Variants in ARHGAP15 observed in about 807,000 individuals in gnomAD.
ARHGAP15 encodes Rho GTPase activating protein 15.
A neutral mutation model predicts 63.7 loss-of-function variants in ARHGAP15; 51 were observed. The ratio of observed to expected loss-of-function variants is 0.80; its 90% CI spans 0.64 to 1.01. The LOEUF is 1.01. ARHGAP15 is among the 50% of genes least tolerant of loss of function. The pLI is 0.00. For missense variants in ARHGAP15, 560 were observed against 564.6 expected, an observed-to-expected ratio of 0.99 and a Z score of 0.08; for synonymous variants, 191 against 193.8, an observed-to-expected ratio of 0.99 and a Z score of 0.12.
chr2:143,294,494 A>G (rs1277809863), intron 6 of ARHGAP15, among the ~76,000 whole-genome samples: 5 of 152,088 alleles, frequency 3.3e-5, no homozygotes, highest in Non-Finnish European at 4.4e-5. Context: ...TCCTGCAGCC[A>G]TTAAACCAGG....
chr2:143,753,816 T>C (rs549151225), intron 13 of ARHGAP15, among the ~76,000 whole-genome samples: 1 of 152,330 alleles, frequency 6.6e-6, no homozygotes, highest in African/African-American at 2.4e-5. Flanking sequence ...CCAGTTTTGT[T>C]CAAATTAGGT....
intron 12 of ARHGAP15, among the ~76,000 whole-genome samples, chr2:143,638,557 C>T (rs1007567213): frequency 1.2e-4 from 17 of 147,674 alleles, no homozygotes; most frequent in African/African-American, 3.0e-4. Context: ...TGCTAGATGA[C>T]GAGTTAGTGG....
intron 6 of ARHGAP15, among the ~76,000 whole-genome samples, chr2:143,407,035 T>C (rs181637840): frequency 1.3e-5 from 2 of 152,100 alleles, no homozygotes; most frequent in African/African-American, 4.8e-5. Context: ...TCTAGCTGAG[T>C]TCCTACATGG....
chr2:143,360,108 G>C (rs1251185892), intron 6 of ARHGAP15, among the ~76,000 whole-genome samples: 1 of 152,036 alleles, frequency 6.6e-6, no homozygotes, highest in East Asian at 1.9e-4. Flanking sequence ...GGCCAGACTG[G>C]TGGCTCATGC....
intron 9 of ARHGAP15, among the ~76,000 whole-genome samples, chr2:143,514,072 C>T (rs1022559144): frequency 2.6e-5 from 4 of 152,136 alleles, no homozygotes; most frequent in Non-Finnish European, 5.9e-5. Context: ...ACAATAAACC[C>T]TCACTATTTT....
intron 6 of ARHGAP15, among the ~76,000 whole-genome samples, chr2:143,338,267 TA>T (rs1412695021): frequency 6.6e-6 from 1 of 152,140 alleles, no homozygotes; most frequent in African/African-American, 2.4e-5. Context: ...GCCTTGAAAG[TA>T]AATAGAAATA....
chr2:143,692,723 G>A (rs16822931), intron 12 of ARHGAP15, among the ~76,000 whole-genome samples: 24,110 of 152,162 alleles, frequency 0.16, 2,190 homozygotes, highest in South Asian at 0.29. Flanking sequence ...TTGAGCAACG[G>A]AAGTACAGGT....
intron 6 of ARHGAP15, among the ~76,000 whole-genome samples, chr2:143,418,297 T>A (rs1006943122): frequency 1.3e-5 from 2 of 152,212 alleles, no homozygotes; most frequent in Non-Finnish European, 2.9e-5. Flanking sequence ...GGAGTTGTAG[T>A]TTCTCTTTTG....
Position 143,375,097 on chromosome 2 carries a change from A to G in ARHGAP15, c.475-60504A>G, listed in dbSNP as rs147904828. ...GTTAATCACAGATGTGGACATTAAAATGTAGTCTAAGTCATCTTATGACAA... is the reference window on the plus strand; with the variant it reads ...GTTAATCACAGATGTGGACATTAAAGTGTAGTCTAAGTCATCTTATGACAA... On this transcript the variant is annotated intron_variant, in intron 6 of 13. Coordinates refer to ENST00000295095, the MANE Select transcript of ARHGAP15 (RefSeq NM_018460.4). 1.8e-4 allele frequency among the ~76,000 whole-genome samples: 28 copies of G among 152,354 alleles called. No individual in the cohort carries two copies. The East Asian group carries it at 5.0e-3, about 27-fold the overall frequency.
chr2:143,708,584 C>T (rs1684434546), intron 13 of ARHGAP15, among the ~76,000 whole-genome samples: 1 of 152,100 alleles, frequency 6.6e-6, no homozygotes, highest in Non-Finnish European at 1.5e-5. Flanking sequence ...CTCAGACACC[C>T]TGTCAGCCTG....
intron 2 of ARHGAP15, among the ~76,000 whole-genome samples, chr2:143,191,700 T>C (rs1293727560): frequency 6.6e-6 from 1 of 152,228 alleles, no homozygotes; most frequent in Non-Finnish European, 1.5e-5. Context: ...ATCAGATTAA[T>C]GAGTTTTGGA....
chr2:143,375,361 C>T (rs953325254), intron 6 of ARHGAP15, among the ~76,000 whole-genome samples: 1 of 152,106 alleles, frequency 6.6e-6, no homozygotes. Context: ...GTAAATTTCC[C>T]AAATTCTTTT....
intron 6 of ARHGAP15, among the ~76,000 whole-genome samples, chr2:143,263,892 C>A (rs193238217): frequency 8.0e-6 from 1 of 124,874 alleles, no homozygotes; most frequent in Non-Finnish European, 1.6e-5. Context: ...GGTGGGTCTA[C>A]GGTGAAGCTG....
chr2:143,450,676 A>G (rs1690367261), intron 8 of ARHGAP15, among the ~76,000 whole-genome samples: 1 of 151,954 alleles, frequency 6.6e-6, no homozygotes, highest in African/African-American at 2.4e-5. Flanking sequence ...TCTCAACTTT[A>G]TAGAAAATCA....
intron 5 of ARHGAP15, among the ~76,000 whole-genome samples, chr2:143,248,326 C>T (rs1694126109): frequency 6.6e-6 from 1 of 152,108 alleles, no homozygotes; most frequent in Non-Finnish European, 1.5e-5. Context: ...TGTAAAGGAC[C>T]TACGGCAAGA....
chr2:143,293,401 A>G lies in ARHGAP15; in HGVS notation c.474+42801A>G, dbSNP rs1010334639. On this transcript the variant is annotated intron_variant, in intron 6 of 13. Transcript: ENST00000295095. ...TCACAACAAAGTGTTCCTGAAAATGATTTTGTGAAGTTTGTTAGCTGGATT... is the reference window on the plus strand; with the variant it reads ...TCACAACAAAGTGTTCCTGAAAATGGTTTTGTGAAGTTTGTTAGCTGGATT... Among the ~76,000 whole-genome samples, 3 of 152,192 alleles carry G rather than the reference A, an allele frequency of 2.0e-5. No individual in the cohort carries two copies. In the East Asian group the frequency reaches 5.8e-4, roughly 29 times the overall value.
At chr2:143,188,921 C>T (rs1691559638) in intron 2 of ARHGAP15, among the ~76,000 whole-genome samples, 2 of 151,750 alleles carry the variant, frequency 1.3e-5, no homozygotes, top group Non-Finnish European at 2.9e-5. Context: ...ACCGTGCCGG[C>T]CCCTATGCCT....
intron 12 of ARHGAP15, among the ~76,000 whole-genome samples, chr2:143,676,945 T>C (rs1024543126): frequency 6.6e-6 from 1 of 152,230 alleles, no homozygotes; most frequent in Non-Finnish European, 1.5e-5. Flanking sequence ...CAAGGTATAG[T>C]CAAATGATGT....
chr2:143,486,781 A>G (rs1692346422), intron 8 of ARHGAP15, among the ~76,000 whole-genome samples: 1 of 152,182 alleles, frequency 6.6e-6, no homozygotes, highest in African/African-American at 2.4e-5. Flanking sequence ...AGGAGAGGGG[A>G]CTAATGAAGA....
Sources: allele counts gnomAD v4.1 joint callset (sites outside exome capture counted in the v4.1 genomes callset), GRCh38; gene constraint gnomAD v4.1.1; transcripts MANE v1.5; gene names NCBI Gene and HGNC (gene_info 2026-07-23, HGNC 2026-07-21).